MME: variants seen among roughly 807,000 people sequenced by gnomAD.
The protein encoded by MME is membrane metalloendopeptidase.
A neutral mutation model predicts 113.2 loss-of-function variants in MME; 98 were observed. The ratio of observed to expected loss-of-function variants is 0.87; its 90% confidence interval spans 0.74 to 1.02. The LOEUF (loss-of-function observed/expected upper bound fraction) is 1.02. MME is among the 50% of genes least tolerant of loss of function. The pLI is 0.00. For missense variants in MME, 836 were observed against 896.0 expected (o/e 0.93, Z 0.86); for synonymous variants, 292 against 300.6 (o/e 0.97, Z 0.30).
intron 3 of MME, among the ~76,000 whole-genome samples, chr3:155,095,209 A>G (rs1050615603): frequency 2.6e-5 from 4 of 152,256 alleles, no homozygotes; most frequent in African/African-American, 9.6e-5. Flanking sequence ...AAAGCAATTT[A>G]AGTAAATGAA....
intron 22 of MME, among the ~76,000 whole-genome samples, chr3:155,172,822 A>G (rs1271739129): frequency 3.3e-5 from 5 of 152,002 alleles, no homozygotes; most frequent in Non-Finnish European, 7.4e-5. Context: ...AGAATCTACA[A>G]TAATTATAAT....
chr3:155,042,926 A>G (rs866248948), intron 1 of MME, among the ~76,000 whole-genome samples: 1,519 of 67,110 alleles, frequency 0.023, 42 homozygotes, highest in African/African-American at 0.1. Flanking sequence ...ATATATATAT[A>G]TATATATATA....
chr3:155,114,849 C>T, intron 3 of MME, 145 bp from the exon 4 acceptor site: 1 of 754,806 alleles, frequency 1.3e-6, no homozygotes, highest in South Asian at 1.6e-5. Flanking sequence ...TATTCCTCAT[C>T]CCCCTGAATT....
Position 155,138,155 on chromosome 3 carries a change from G to A in MME, c.774G>A (p.Gln258=). The A allele has an allele frequency of 1.2e-6, 2 of 1,613,664 alleles. No individual in the cohort carries two copies. The highest frequency in any genetic ancestry group is 2.2e-5 in the South Asian group (2 of 91,072). ...FMISVARLIR[Q]EERLPIDENQ... is the part of the protein sequence containing the mutation. The stretch of plus-strand genomic sequence containing the variant: ...TTTCTGTGGCCAGATTGATTCGTCA[G>A]GAAGAAAGATTGCCCATCGATGAAA... Residue 258 remains glutamine, a synonymous_variant, in exon 9 of 23, where the codon CAG becomes CAA. Transcript: ENST00000360490.
chr3:155,067,645 C>CA (rs1205179115), intron 1 of MME, among the ~76,000 whole-genome samples: 5 of 151,976 alleles, frequency 3.3e-5, no homozygotes, highest in Middle Eastern at 6.8e-3. Flanking sequence ...AACACTTCAC[C>CA]AAAAAAGATA....
At chr3:155,050,469 T>A (rs952343226) in intron 1 of MME, among the ~76,000 whole-genome samples, 21 of 152,210 alleles carry the variant, frequency 1.4e-4, no homozygotes, top group Admixed American at 1.4e-3. Context: ...AGTATTCCCT[T>A]TTCCCTGCAA....
intron 8 of MME, among the ~76,000 whole-genome samples, chr3:155,134,948 T>A (rs1172512350): frequency 1.3e-5 from 2 of 152,150 alleles, no homozygotes; most frequent in Non-Finnish European, 2.9e-5. Context: ...TTGAGAAGTG[T>A]CTGTTCCTGT....
Position 155,176,107 on chromosome 3 carries a change from T to C in MME, c.2153+3495T>C, listed in dbSNP as rs547261466. On this transcript the variant is annotated intron_variant, in intron 22 of 22. Transcript: ENST00000360490. ...TTATTCCTGAATGAAGGCAGTTAAC[T>C]ATGTAGCCAAGTCATTCATTTACAA... Among the ~76,000 whole-genome samples the C allele has an allele frequency of 5.9e-5, 9 of 152,320 alleles. No homozygotes were observed. In the South Asian group the frequency reaches 1.7e-3, roughly 28 times the overall value.
At chr3:155,144,987 T>C (rs1245376996) in intron 14 of MME, among the ~76,000 whole-genome samples, 2 of 152,182 alleles carry the variant, frequency 1.3e-5, no homozygotes, top group Non-Finnish European at 2.9e-5. Context: ...TGTAGTTAGG[T>C]TGGCAGAAAA....
At chr3:155,117,934 A>G (rs1718766780) in intron 7 of MME, among the ~76,000 whole-genome samples, 1 of 152,172 alleles carries the variant, frequency 6.6e-6, no homozygotes, top group Admixed American at 6.6e-5. Context: ...TCTTTAACCC[A>G]GAAATGCTCT....
At chr3:155,078,753 C>CA (rs534397076), upstream of MME, among the ~76,000 whole-genome samples, 82 of 137,614 alleles carry the variant, frequency 6.0e-4, no homozygotes, top group African/African-American at 1.4e-3. Flanking sequence ...ACACTGGAAG[C>CA]AAAAAAAAAA....
In MME at chr3:155,166,887, C is replaced by G. The variant is rs778970028; in HGVS notation, c.1661-15C>G. ...TATGCCACAAATAATCTCTAACTAT[C>G]TTCTCTCCTTGTAGTCTTCCCAGCC... On this transcript the variant is annotated splice_polypyrimidine_tract_variant and intron_variant, in intron 17 of 22. Coordinates refer to ENST00000360490, the MANE Select transcript of MME (RefSeq NM_007289.4). 2 of 1,613,472 alleles carry G rather than the reference C, an allele frequency of 1.2e-6. No individual in the cohort carries two copies. The highest frequency in any genetic ancestry group is 1.1e-5 in the South Asian group (1 of 91,076).
At chr3:155,133,039 T>TAA (rs796968290) in intron 8 of MME, among the ~76,000 whole-genome samples, 3,386 of 47,928 alleles carry the variant, frequency 0.071, 338 homozygotes, top group Non-Finnish European at 0.097. Flanking sequence ...AAACCCCGTC[T>TAA]AAAAAAAAAA....
intron 3 of MME, among the ~76,000 whole-genome samples, chr3:155,113,362 C>T (rs1204857747): frequency 4.6e-5 from 7 of 152,190 alleles, no homozygotes; most frequent in Non-Finnish European, 8.8e-5. Flanking sequence ...TCACTGCAAC[C>T]TCCACCTCCC....
chr3:155,097,910 A>C (rs189246104), intron 3 of MME, among the ~76,000 whole-genome samples: 210 of 152,292 alleles, frequency 1.4e-3, no homozygotes, highest in Non-Finnish European at 8.2e-4. Flanking sequence ...GCATTAAACC[A>C]GGCAGTTGTG....
intron 1 of MME, among the ~76,000 whole-genome samples, chr3:155,071,191 G>A (rs1714540070): frequency 6.6e-6 from 1 of 152,140 alleles, no homozygotes; most frequent in African/African-American, 2.4e-5. Flanking sequence ...TGCCAGTAAA[G>A]GAATTTTAGT....
chr3:155,044,272 A>G (rs896738114), intron 1 of MME, among the ~76,000 whole-genome samples: 1 of 148,570 alleles, frequency 6.7e-6, no homozygotes, highest in Non-Finnish European at 1.5e-5. Context: ...AGCTGGCATT[A>G]CAGGTGCACG....
chr3:155,162,546 A>G (rs1490620145), intron 17 of MME, among the ~76,000 whole-genome samples: 1 of 152,172 alleles, frequency 6.6e-6, no homozygotes, highest in African/African-American at 2.4e-5. Context: ...GAAATATAAA[A>G]TAAGAAAACT....
At chr3:155,027,010 T>C (rs1242927092) in intron 1 of MME, among the ~76,000 whole-genome samples, 2 of 152,234 alleles carry the variant, frequency 1.3e-5, no homozygotes, top group Non-Finnish European at 1.5e-5. Context: ...CCAATAGATC[T>C]ATTTAGCCTG....
Sources: gnomAD v4.1 joint callset for allele counts (sites outside exome capture counted in the v4.1 genomes callset) on GRCh38, gnomAD v4.1.1 for gene constraint, MANE v1.5 for transcripts, NCBI Gene and HGNC (gene_info 2026-07-23, HGNC 2026-07-21) for gene names.